Variants in NPSR1 observed in about 807,000 individuals in gnomAD.
NPSR1 encodes neuropeptide S receptor.
Under a neutral mutation model 46.9 loss-of-function variants are expected in NPSR1, and 48 were observed. The ratio of observed to expected loss-of-function variants is 1.02; its 90% confidence interval spans 0.81 to 1.30. The LOEUF is 1.30. Among genes scored for constraint, NPSR1 ranks in the 50% most tolerant of loss-of-function variants. The probability of loss-of-function intolerance (pLI) is 0.00; values close to 1 mark genes in which losing one functional copy is unlikely to be tolerated. For synonymous variants in NPSR1, 176 were observed against 168.1 expected (o/e 1.05, Z -0.36); for missense variants, 450 against 449.5 (o/e 1.00, Z -0.01).
chr7:34,744,703 C>A (rs1165655605), intron 2 of NPSR1, among the ~76,000 whole-genome samples: 1 of 152,166 alleles, frequency 6.6e-6, no homozygotes, highest in Non-Finnish European at 1.5e-5. Context: ...TGATTCAAAA[C>A]AACATCCATC....
At chr7:34,846,165 TAGTC>T (rs1288194615) in intron 7 of NPSR1, among the ~76,000 whole-genome samples, 2 of 152,144 alleles carry the variant, frequency 1.3e-5, no homozygotes, top group African/African-American at 4.8e-5. Flanking sequence ...TCTTCTCAGA[TAGTC>T]AGAAGCACAG....
chr7:34,684,834 T>C (rs376726593), intron 2 of NPSR1, 150 bp downstream of exon 2: 6 of 671,260 alleles, frequency 8.9e-6, no homozygotes, highest in African/African-American at 7.4e-5. Context: ...TATATTTGAA[T>C]ATTTCCTCTG....
intron 7 of NPSR1, among the ~76,000 whole-genome samples, chr7:34,847,846 A>G (rs1437575744): frequency 6.6e-6 from 1 of 152,200 alleles, no homozygotes; most frequent in Non-Finnish European, 1.5e-5. Flanking sequence ...CTCAAAATTA[A>G]CCATCACACC....
intron 5 of NPSR1, among the ~76,000 whole-genome samples, chr7:34,832,123 G>T (rs551081368): frequency 3.9e-5 from 6 of 152,172 alleles, no homozygotes; most frequent in Non-Finnish European, 8.8e-5. Context: ...GAGATTGTAA[G>T]GGTCTCCACT....
At chr7:34,867,700 T>C (rs544527966) in intron 8 of NPSR1, among the ~76,000 whole-genome samples, 1 of 151,986 alleles carries the variant, frequency 6.6e-6, no homozygotes, top group Non-Finnish European at 1.5e-5. Context: ...GGGAGACAAA[T>C]AGAACTATTG....
At chr7:34,784,155 C>G (rs1252838713) in intron 3 of NPSR1, among the ~76,000 whole-genome samples, 1 of 152,160 alleles carries the variant, frequency 6.6e-6, no homozygotes, top group Non-Finnish European at 1.5e-5. Flanking sequence ...TTCCTCTTTT[C>G]CTAATTGAAT....
chr7:34,850,073 C>T (rs1790888997), downstream of NPSR1: 2 of 849,450 alleles, frequency 2.4e-6, no homozygotes, highest in South Asian at 1.1e-4. Flanking sequence ...CATATTTTTC[C>T]CCCAGTTTTG....
chr7:34,818,869 G>T (rs949584964), intron 4 of NPSR1, among the ~76,000 whole-genome samples: 2 of 152,074 alleles, frequency 1.3e-5, no homozygotes, highest in African/African-American at 2.4e-5. Flanking sequence ...TAGCCATATG[G>T]AGAAAGCTGA....
intron 2 of NPSR1, among the ~76,000 whole-genome samples, chr7:34,705,798 T>A (rs1186776917): frequency 1.3e-5 from 2 of 152,272 alleles, no homozygotes; most frequent in East Asian, 3.9e-4. Flanking sequence ...TCTTCTTCAT[T>A]GTGACTTTAC....
At chr7:34,852,213 T>C (rs2128766152), downstream of NPSR1, among the ~76,000 whole-genome samples, 1 of 151,988 alleles carries the variant, frequency 6.6e-6, no homozygotes, top group East Asian at 1.9e-4. Context: ...GGCAAGAGAA[T>C]GGCATGAACC....
chr7:34,779,497 T>C, intron 3 of NPSR1: 1 of 777,270 alleles, frequency 1.3e-6, no homozygotes, highest in Non-Finnish European at 1.8e-6. Context: ...GTATATATAT[T>C]CATAAGTAAA....
chr7:34,700,571 C>T (rs909741358), intron 2 of NPSR1, among the ~76,000 whole-genome samples: 6 of 152,188 alleles, frequency 3.9e-5, no homozygotes, highest in African/African-American at 1.4e-4. Flanking sequence ...CAGGGAGATA[C>T]GACTTCACAC....
chr7:34,685,755 AC>A (rs769522892), intron 2 of NPSR1: 4 of 396,712 alleles, frequency 1.0e-5, no homozygotes, highest in Non-Finnish European at 2.0e-5. Context: ...ACAAAGTATA[AC>A]AAGCCCACCT....
At chr7:34,738,486 G>C (rs1382028512) in intron 2 of NPSR1, among the ~76,000 whole-genome samples, 2 of 152,132 alleles carry the variant, frequency 1.3e-5, no homozygotes, top group Admixed American at 6.6e-5. Flanking sequence ...TGTGTCAATA[G>C]TGTTATACTA....
Position 34,805,479 on chromosome 7 carries a change from C to CAAAA in NPSR1, c.385-6272_385-6269dup, listed in dbSNP as rs57776086. On this transcript the variant is annotated intron_variant, in intron 3 of 8. Coordinates refer to ENST00000360581, the MANE Select transcript of NPSR1 (RefSeq NM_207172.2). ...GAAAGAGTGGTTGAATATCCACATG[C>CAAAA]AAAAAAAAAAAAAAAAAAAAAACTT... 3.7e-3 allele frequency among the ~76,000 whole-genome samples: 267 copies of CAAAA among 71,838 alleles called. 12 individuals are homozygous for CAAAA. Among genetic ancestry groups the CAAAA allele is most frequent in the African/African-American group, 0.012 (235 of 20,070 alleles). The allele number at this position is 71,838 out of a possible 152,430, so 47.1% of individuals were successfully genotyped here. A position where few individuals can be genotyped will look rare whatever the true frequency, so the allele number is the denominator to read the frequency against.
At chr7:34,859,483 C>G (rs1791135976) in intron 8 of NPSR1, among the ~76,000 whole-genome samples, 1 of 151,518 alleles carries the variant, frequency 6.6e-6, no homozygotes, top group Non-Finnish European at 1.5e-5. Flanking sequence ...CAGCTGAACA[C>G]AGCATTCCTC....
chr7:34,875,294 G>T (rs10243897), intron 8 of NPSR1, among the ~76,000 whole-genome samples: 1,911 of 152,240 alleles, frequency 0.013, 30 homozygotes, highest in African/African-American at 0.042. Context: ...GTCTTTCTTG[G>T]AAGCTTAGTA....
At chr7:34,803,556 G>A (rs539961311) in intron 3 of NPSR1, among the ~76,000 whole-genome samples, 76 of 151,872 alleles carry the variant, frequency 5.0e-4, no homozygotes, top group African/African-American at 1.8e-3. Flanking sequence ...ATCACACTCT[G>A]GGGACTGTTG....
chr7:34,664,154 C>T (rs1791616838), intron 1 of NPSR1, among the ~76,000 whole-genome samples: 2 of 152,192 alleles, frequency 1.3e-5, no homozygotes, highest in Admixed American at 1.3e-4. Context: ...GGCTTTTGAG[C>T]TTTCTCCATC....
Sources: allele counts gnomAD v4.1 joint callset (sites outside exome capture counted in the v4.1 genomes callset), GRCh38; gene constraint gnomAD v4.1.1; transcripts MANE v1.5; gene names NCBI Gene and HGNC (gene_info 2026-07-23, HGNC 2026-07-21).